Variants in AKR1D1 observed in about 807,000 individuals in gnomAD.
AKR1D1 encodes delta(4)-3-ketosteroid 5-beta-reductase.
Under a neutral mutation model 42.6 loss-of-function variants are expected in AKR1D1, and 32 were observed. That is an observed-to-expected ratio of 0.75 (90% confidence interval 0.57 to 1.01). AKR1D1 has a LOEUF of 1.01. AKR1D1 is among the 50% of genes least tolerant of loss of function. AKR1D1 has a pLI of 0.00. For missense variants in AKR1D1, 364 were observed against 402.2 expected, an observed-to-expected ratio of 0.91 and a Z score of 0.81; for synonymous variants, 123 against 135.5, an observed-to-expected ratio of 0.91 and a Z score of 0.64.
At chr7:138,100,216 A>G (rs1278211396) in intron 4 of AKR1D1, among the ~76,000 whole-genome samples, 1 of 150,966 alleles carries the variant, frequency 6.6e-6, no homozygotes. Context: ...GACAAAGCAG[A>G]AAAAAAAAGA....
At chr7:138,107,708 C>A in intron 7 of AKR1D1, 128 bp downstream of exon 7, 1 of 926,122 alleles carries the variant, frequency 1.1e-6, no homozygotes, top group Non-Finnish European at 1.7e-6. Flanking sequence ...GCCCCTTGAC[C>A]CATGTAGCCC....
At chr7:138,112,607 T>C (rs1384921283) in intron 7 of AKR1D1, among the ~76,000 whole-genome samples, 4 of 152,158 alleles carry the variant, frequency 2.6e-5, no homozygotes, top group Non-Finnish European at 5.9e-5. Context: ...GAAATAAGAA[T>C]GGGGTGATGA....
chr7:138,104,427 G>A (rs115373353), intron 4 of AKR1D1, among the ~76,000 whole-genome samples: 1,990 of 151,984 alleles, frequency 0.013, 47 homozygotes, highest in African/African-American at 0.046. Flanking sequence ...GCCAGGCGCA[G>A]TGGCTCATGC....
intron 4 of AKR1D1, 104 bp downstream of exon 4, chr7:138,098,047 T>G: frequency 1.1e-6 from 1 of 935,384 alleles, no homozygotes; most frequent in Non-Finnish European, 1.8e-6. Flanking sequence ...TTACTTTCAA[T>G]GAAAAGTAAC....
rs138517404 is a variant in AKR1D1 at position 138,116,626 on chromosome 7, C to T, written c.945C>T (p.Arg315=). Residue 315 remains arginine (R), a synonymous_variant, in exon 9 of 9, where the codon CGC becomes CGT. Coordinates refer to ENST00000242375, the MANE Select transcript of AKR1D1 (RefSeq NM_005989.4). ...NVRFVELLMW[R]DHPEYPFHDE... is the part of the protein sequence containing the mutation. ...GGGGGAATTGTTTTGGCAGGTGGCGCGATCATCCTGAATACCCATTTCATG... is the reference window on the plus strand; with the variant it reads ...GGGGGAATTGTTTTGGCAGGTGGCGTGATCATCCTGAATACCCATTTCATG... The T allele has an allele frequency of 3.5e-5, 56 of 1,614,088 alleles. No individual in the cohort carries two copies. The highest frequency in any genetic ancestry group is 1.6e-4 in the East Asian group (7 of 44,876).
intron 1 of AKR1D1, among the ~76,000 whole-genome samples, chr7:138,082,392 G>T (rs1463028795): frequency 6.6e-6 from 1 of 151,372 alleles, no homozygotes; most frequent in Non-Finnish European, 1.5e-5. Context: ...ATAGAGATGG[G>T]GGTCTTCTTC....
chr7:138,095,990 T>C (rs1416299779), intron 3 of AKR1D1, among the ~76,000 whole-genome samples: 1 of 151,548 alleles, frequency 6.6e-6, no homozygotes, highest in East Asian at 2.0e-4. Flanking sequence ...CACTTGAGCC[T>C]AGGAGTTCGA....
intron 1 of AKR1D1, among the ~76,000 whole-genome samples, chr7:138,086,806 T>C (rs1202424652): frequency 6.6e-6 from 1 of 152,196 alleles, no homozygotes; most frequent in Non-Finnish European, 1.5e-5. Context: ...CACCCTTTGA[T>C]ATGAAGTCAG....
intron 2 of AKR1D1, among the ~76,000 whole-genome samples, 186 bp downstream of exon 2, chr7:138,088,954 T>C (rs1320344706): frequency 3.9e-5 from 6 of 152,150 alleles, no homozygotes; most frequent in Non-Finnish European, 8.8e-5. Flanking sequence ...ACCAAAATCA[T>C]GCAAAATAGG....
intron 3 of AKR1D1, among the ~76,000 whole-genome samples, chr7:138,092,337 G>A (rs942102517): frequency 6.6e-6 from 1 of 152,054 alleles, no homozygotes; most frequent in Non-Finnish European, 1.5e-5. Flanking sequence ...CACAATCTCC[G>A]CCCTCATCCT....
rs1794678992 is a variant in AKR1D1, at chr7:138,118,203, T to C, written c.*1541T>C. 6.6e-6 allele frequency among the ~76,000 whole-genome samples: 1 copy of C among 152,192 alleles called. No individual in the cohort carries two copies. The highest frequency in any genetic ancestry group is 2.1e-4 in the South Asian group (1 of 4,830). The stretch of plus-strand genomic sequence containing the variant: ...TTATCATTTTAAAAAATTTGGTCTA[T>C]ACTGATTGTTTTCACTGATTCCAAT... On this transcript the variant is annotated 3_prime_UTR_variant, in exon 9 of 9. Coordinates refer to ENST00000242375, the MANE Select transcript of AKR1D1 (RefSeq NM_005989.4).
intron 3 of AKR1D1, among the ~76,000 whole-genome samples, chr7:138,093,503 A>G (rs1400960671): frequency 2.0e-5 from 3 of 152,146 alleles, no homozygotes; most frequent in Non-Finnish European, 4.4e-5. Context: ...GTCTAGGCCT[A>G]CACAGGGTCA....
At chr7:138,097,756 A>G (rs1211963400) in intron 3 of AKR1D1, 110 bp from the exon 4 acceptor site, 4 of 924,840 alleles carry the variant, frequency 4.3e-6, no homozygotes, top group African/African-American at 1.7e-5. Context: ...TTTAGAAACA[A>G]TAGACATTGA....
chr7:138,102,831 C>T (rs1248638559), intron 4 of AKR1D1, among the ~76,000 whole-genome samples: 1 of 152,198 alleles, frequency 6.6e-6, no homozygotes, highest in Non-Finnish European at 1.5e-5. Context: ...CTCTTCCTAA[C>T]TCCACATTCA....
intron 1 of AKR1D1, among the ~76,000 whole-genome samples, chr7:138,080,982 C>G (rs1455677554): frequency 6.6e-6 from 1 of 151,752 alleles, no homozygotes; most frequent in Non-Finnish European, 1.5e-5. Context: ...CTACAGAGGA[C>G]AGCCGTAATT....
At chr7:138,102,747 C>T (rs963721263) in intron 4 of AKR1D1, among the ~76,000 whole-genome samples, 5 of 152,146 alleles carry the variant, frequency 3.3e-5, no homozygotes, top group Admixed American at 1.3e-4. Flanking sequence ...GAAATGCCAA[C>T]GCAATTCAAT....
rs34437071 is a variant in AKR1D1, at chr7:138,114,660, CAA to C, written c.938+906_938+907del. The stretch of plus-strand genomic sequence containing the variant: ...GGGCAACAAGAGCAAAACTCCATCT[CAA>C]AAAAAAAAAAAAAAAAAGAATATAT... On this transcript the variant is annotated intron_variant, in intron 8 of 8. Coordinates refer to ENST00000242375, the MANE Select transcript of AKR1D1 (RefSeq NM_005989.4). 4.9e-3 allele frequency among the ~76,000 whole-genome samples: 431 copies of C among 87,330 alleles called. 2 individuals carry two copies. The highest frequency in any genetic ancestry group is 0.017 in the African/African-American group (380 of 22,306). 57.3% of individuals were successfully genotyped at this position (87,330 alleles called of 152,430 possible). A position where few individuals can be genotyped will look rare whatever the true frequency, so the allele number is the denominator to read the frequency against.
chr7:138,077,261 G>A (rs1216473497), intron 1 of AKR1D1, among the ~76,000 whole-genome samples: 1 of 152,156 alleles, frequency 6.6e-6, no homozygotes, highest in Non-Finnish European at 1.5e-5. Flanking sequence ...AGCATGGCTG[G>A]TGATGCCTCA....
intron 8 of AKR1D1, 125 bp downstream of exon 8, chr7:138,113,897 T>A: frequency 1.2e-6 from 1 of 819,386 alleles, no homozygotes; most frequent in Non-Finnish European, 2.1e-6. Flanking sequence ...GTGGGCCGCA[T>A]ATTCTGAATG....
Sources: gnomAD v4.1 joint callset for allele counts (sites outside exome capture counted in the v4.1 genomes callset) on GRCh38, gnomAD v4.1.1 for gene constraint, MANE v1.5 for transcripts, NCBI Gene and HGNC (gene_info 2026-07-23, HGNC 2026-07-21) for gene names.